The following TMEM248 variants were observed in gnomAD, a reference collection of about 807,000 sequenced individuals.
The protein encoded by TMEM248 is UPF0458 protein C7orf42.
In TMEM248, 9 loss-of-function variants were observed where a neutral mutation model predicts 30.3. The observed-to-expected ratio is 0.30, with a 90% CI of 0.18 to 0.52. The LOEUF (loss-of-function observed/expected upper bound fraction) is 0.52, where lower values mean the gene tolerates loss of function less well. Ranked by LOEUF, TMEM248 falls within the 20% of genes least tolerant of loss-of-function variation. The probability of loss-of-function intolerance (pLI) is 0.97; values close to 1 mark genes in which losing one functional copy is unlikely to be tolerated. For synonymous variants in TMEM248, 184 were observed against 154.4 expected, an observed-to-expected ratio of 1.19 and a Z score of -1.42; for missense variants, 338 against 403.3, an observed-to-expected ratio of 0.84 and a Z score of 1.39.
chr7:66,953,064 T>G (rs550320760), intron 5 of TMEM248, among the ~76,000 whole-genome samples, 162 bp from the exon 6 acceptor site: 1 of 152,228 alleles, frequency 6.6e-6, no homozygotes, highest in East Asian at 1.9e-4. Flanking sequence ...AGACCCAGCT[T>G]TGGTCATTTA....
In TMEM248 at chr7:66,956,458, C is replaced by A. The variant is rs1354620583; in HGVS notation, c.*936C>A. On this transcript the variant is annotated 3_prime_UTR_variant, in exon 7 of 7. Coordinates refer to ENST00000341567, the MANE Select transcript of TMEM248 (RefSeq NM_017994.5). ...AGTATGGAAAGAAAGAATAATGATT[C>A]TATCTAATAGGAAAGGATTTCTTCT... 1.4e-5 allele frequency: 2 copies of A among 140,730 alleles called. No individual in the cohort carries two copies. Among genetic ancestry groups the A allele is most frequent in the Non-Finnish European group, 2.9e-5 (2 of 67,942 alleles). 8.7% of individuals were successfully genotyped at this position (140,730 alleles called of 1,614,324 possible).
intron 1 of TMEM248, among the ~76,000 whole-genome samples, chr7:66,940,657 G>A (rs1466900093): frequency 6.6e-6 from 1 of 152,156 alleles, no homozygotes; most frequent in Non-Finnish European, 1.5e-5. Context: ...ATGCAGTCAG[G>A]GAGACTGGCA....
rs781749042 is a variant in TMEM248 at position 66,948,625 on chromosome 7, A to G, written c.527A>G (p.His176Arg). The change falls in exon 4 of 7, where the codon CAC becomes CGC. Residue 176 changes from histidine to arginine, a missense_variant. His to Arg is a conservative substitution (Grantham distance 29). Transcript: ENST00000341567. ...WSSDDCALHG[H>R]CEQVVFTACM... ...TCAGATGACTGCGCCCTCCACGGTC[A>G]CTGTGAGCAGGTGGTATTCACAGCC... The G allele has an allele frequency of 1.6e-5, 26 of 1,614,036 alleles. No homozygotes were observed. Among genetic ancestry groups the G allele is most frequent in the Non-Finnish European group, 1.9e-5 (23 of 1,179,994 alleles).
intron 1 of TMEM248, among the ~76,000 whole-genome samples, chr7:66,934,607 A>G (rs1791753858): frequency 1.3e-5 from 2 of 152,168 alleles, no homozygotes; most frequent in South Asian, 4.1e-4. Flanking sequence ...ATTTCTGTTG[A>G]TATAATTGTT....
chr7:66,944,159 C>T (rs1232471874), intron 2 of TMEM248, among the ~76,000 whole-genome samples: 1 of 138,842 alleles, frequency 7.2e-6, no homozygotes, highest in Non-Finnish European at 1.5e-5. Flanking sequence ...GGGTGGAGTG[C>T]AGTGGCACGA....
At chr7:66,924,330 G>A (rs1160866135) in intron 1 of TMEM248, among the ~76,000 whole-genome samples, 1 of 152,228 alleles carries the variant, frequency 6.6e-6, no homozygotes, top group Non-Finnish European at 1.5e-5. Flanking sequence ...CACACAGGAT[G>A]CCATGTAATT....
chr7:66,922,317 G>C (rs1024711766), intron 1 of TMEM248: 1 of 152,176 alleles, frequency 6.6e-6, no homozygotes, highest in African/African-American at 2.4e-5. Flanking sequence ...AAAGTGGTTT[G>C]TCTCGATAGC....
chr7:66,938,803 G>C (rs921355715), intron 1 of TMEM248, among the ~76,000 whole-genome samples: 1 of 152,202 alleles, frequency 6.6e-6, no homozygotes, highest in Admixed American at 6.5e-5. Flanking sequence ...ACTGTGCCTG[G>C]CTTCTCAAGA....
intron 1 of TMEM248, among the ~76,000 whole-genome samples, chr7:66,937,464 C>T (rs1021796850): frequency 3.3e-5 from 5 of 152,186 alleles, no homozygotes; most frequent in African/African-American, 1.2e-4. Context: ...GTTGAAGTCT[C>T]CAGCTATGAT....
chr7:66,933,135 C>T (rs570136973), intron 1 of TMEM248, among the ~76,000 whole-genome samples: 1 of 152,318 alleles, frequency 6.6e-6, no homozygotes, highest in Non-Finnish European at 1.5e-5. Flanking sequence ...GCTGGGATTA[C>T]AGGCGTGAGC....
chr7:66,925,638 T>C (rs1791502887), intron 1 of TMEM248, among the ~76,000 whole-genome samples: 1 of 152,270 alleles, frequency 6.6e-6, no homozygotes, highest in Admixed American at 6.5e-5. Flanking sequence ...TTTGGGGTAG[T>C]ATATATTCAG....
At chr7:66,954,773 C>T (rs191091403) in intron 6 of TMEM248, among the ~76,000 whole-genome samples, 4 of 152,220 alleles carry the variant, frequency 2.6e-5, no homozygotes, top group African/African-American at 7.2e-5. Flanking sequence ...TAGTTTCTGT[C>T]TTCATTAGAA....
At chr7:66,942,318 A>T (rs1161951180) in intron 2 of TMEM248, among the ~76,000 whole-genome samples, 1 of 152,090 alleles carries the variant, frequency 6.6e-6, no homozygotes, top group Non-Finnish European at 1.5e-5. Context: ...AAAGCTGGAG[A>T]CCTCACCTCT....
At chr7:66,921,679 C>T (rs1375456395) in intron 1 of TMEM248, among the ~76,000 whole-genome samples, 1 of 152,242 alleles carries the variant, frequency 6.6e-6, no homozygotes, top group Admixed American at 6.5e-5. Context: ...TCGCGTCCCC[C>T]GAGCCAGGGT....
chr7:66,933,162 C>T (rs953881575), intron 1 of TMEM248, among the ~76,000 whole-genome samples: 4 of 152,120 alleles, frequency 2.6e-5, no homozygotes, highest in South Asian at 2.1e-4. Context: ...GCCTAGCTCC[C>T]GCTTTGTTTT....
intron 1 of TMEM248, among the ~76,000 whole-genome samples, chr7:66,926,801 G>A (rs902326750): frequency 5.3e-5 from 8 of 152,118 alleles, no homozygotes; most frequent in African/African-American, 9.7e-5. Context: ...TCTCATGTAC[G>A]AATCAAATAC....
intron 1 of TMEM248, among the ~76,000 whole-genome samples, chr7:66,937,550 T>G (rs554066882): frequency 6.6e-6 from 1 of 152,354 alleles, no homozygotes; most frequent in Admixed American, 6.5e-5. Flanking sequence ...TGGGTACATA[T>G]ATATTTATAA....
intron 2 of TMEM248, among the ~76,000 whole-genome samples, chr7:66,942,983 G>C (rs1004368452): frequency 6.6e-6 from 1 of 150,618 alleles, no homozygotes; most frequent in Non-Finnish European, 1.5e-5. Context: ...TTTCTCTCAT[G>C]CTCTAGGGCA....
Position 66,941,953 on chromosome 7 carries a change from A to G in TMEM248, c.88A>G (p.Met30Val), listed in dbSNP as rs200612231. 6.2e-7 allele frequency: 1 copy of G among 1,614,142 alleles called. No individual in the cohort carries two copies. The highest frequency in any genetic ancestry group is 8.5e-7 in the Non-Finnish European group (1 of 1,180,008). ...GGTCTTCATGATCAGCGTAAGCGCC[A>G]TGGCCATAGCTTTCCTGACCCTGGG... ...LVVFMISVSAMAIAFLTLGYF... is the reference protein window; with the variant it reads ...LVVFMISVSAVAIAFLTLGYF... The change falls in exon 2 of 7, where the codon ATG becomes GTG. Residue 30 changes from methionine (M) to valine (V), a missense_variant. Physicochemically the swap from Met to Val is conservative, Grantham distance 21. Coordinates refer to ENST00000341567, the MANE Select transcript of TMEM248 (RefSeq NM_017994.5).
Sources: allele counts gnomAD v4.1 joint callset (sites outside exome capture counted in the v4.1 genomes callset), GRCh38; gene constraint gnomAD v4.1.1; transcripts MANE v1.5; gene names NCBI Gene and HGNC (gene_info 2026-07-23, HGNC 2026-07-21).